Variants in ADAR observed in about 807,000 individuals in gnomAD.
ADAR encodes double-stranded RNA-specific adenosine deaminase.
In ADAR, 41 loss-of-function variants were observed where a neutral mutation model predicts 113.2. The ratio of observed to expected loss-of-function variants is 0.36; its 90% CI spans 0.28 to 0.47. The LOEUF (loss-of-function observed/expected upper bound fraction) is 0.47, where lower values mean the gene tolerates loss of function less well. Ranked by LOEUF, ADAR falls within the 20% of genes least tolerant of loss-of-function variation. The pLI, the probability that ADAR is intolerant of heterozygous loss-of-function variation, is 1.00. For synonymous variants in ADAR, 605 were observed against 572.6 expected, an observed-to-expected ratio of 1.06 and a Z score of -0.81; for missense variants, 1,242 against 1,540.9, an observed-to-expected ratio of 0.81 and a Z score of 3.25.
Position 154,583,346 on chromosome 1 carries a change from CA to C in ADAR, c.*1459del, listed in dbSNP as rs1267599587. 2 of 152,214 alleles carry C rather than the reference CA, an allele frequency of 1.3e-5. No individual in the cohort carries two copies. Among genetic ancestry groups the C allele is most frequent in the African/African-American group, 4.8e-5 (2 of 41,444 alleles). The allele number at this position is 152,214 out of a possible 1,614,324, so 9.4% of individuals were successfully genotyped here. A position where few individuals can be genotyped will look rare whatever the true frequency, so the allele number is the denominator to read the frequency against. On this transcript the variant is annotated 3_prime_UTR_variant, in exon 15 of 15. Transcript: ENST00000368474. ...ACTCTAAAAGCCAACAAAGTCCCTTCAACATGAGTAAAGGAAACAGTTTCAA... is the reference window on the plus strand; with the variant it reads ...ACTCTAAAAGCCAACAAAGTCCCTTCACATGAGTAAAGGAAACAGTTTCAA...
rs999172070 is a variant in ADAR, at chr1:154,585,039, G to A, written c.3448C>T (p.Arg1150Trp). 5 of 1,613,706 alleles carry A rather than the reference G, an allele frequency of 3.1e-6. No homozygotes were observed. The highest frequency in any genetic ancestry group is 1.1e-5 in the South Asian group (1 of 91,076). ...TTGGAGACCCGGGACAATTCATTCC[G>A]TGGCCTAGAGAAACAAAAGCACTCA... ...DGTRGTVDGPRNELSRVSKKN... is the reference protein window; with the variant it reads ...DGTRGTVDGPWNELSRVSKKN... Residue 1150 changes from arginine (R) to tryptophan (W), a missense_variant, in exon 15 of 15, where the codon CGG (arginine) becomes TGG (tryptophan). Arg to Trp is a moderately radical substitution (Grantham distance 101). Coordinates refer to ENST00000368474, the MANE Select transcript of ADAR (RefSeq NM_001111.5).
chr1:154,627,872 C>T (rs763362774), exon 1 of ADAR: 23 of 518,054 alleles, frequency 4.4e-5, no homozygotes, highest in Non-Finnish European at 6.9e-5. Flanking sequence ...TGCACTTCCT[C>T]GGGACACGGC....
intron 1 of ADAR, among the ~76,000 whole-genome samples, chr1:154,605,506 GT>G (rs1452136907): frequency 4.6e-5 from 7 of 150,594 alleles, no homozygotes; most frequent in Non-Finnish European, 1.0e-4. Flanking sequence ...TGTCCTATAA[GT>G]TATACTCAAC....
Position 154,584,695 on chromosome 1 carries a change from G to GAA in ADAR, c.*109_*110dup. The GAA allele has an allele frequency of 1.0e-6, 1 of 985,864 alleles. No homozygotes were observed. Among genetic ancestry groups the GAA allele is most frequent in the Non-Finnish European group, 1.5e-6 (1 of 647,990 alleles). The allele number at this position is 985,864 out of a possible 1,614,324, so 61.1% of individuals were successfully genotyped here. On this transcript the variant is annotated 3_prime_UTR_variant, in exon 15 of 15. Transcript: ENST00000368474. ...AGTATCACCAATTATGGCTTAAAAA[G>GAA]AAAAAAAAAGGAGAAAAAAAAATCC...
intron 6 of ADAR, among the ~76,000 whole-genome samples, chr1:154,595,160 T>A (rs991522391): frequency 6.6e-6 from 1 of 152,306 alleles, no homozygotes; most frequent in Non-Finnish European, 1.5e-5. Context: ...AGCAGCAGCA[T>A]GAGATTCTTG....
chr1:154,592,518 G>C (rs1697215182), intron 6 of ADAR, among the ~76,000 whole-genome samples: 1 of 152,220 alleles, frequency 6.6e-6, no homozygotes, highest in African/African-American at 2.4e-5. Flanking sequence ...TTGGATTAGA[G>C]TGCTGACGCT....
At chr1:154,591,576 C>T (rs994868232) in intron 6 of ADAR, among the ~76,000 whole-genome samples, 3 of 152,232 alleles carry the variant, frequency 2.0e-5, no homozygotes, top group East Asian at 1.9e-4. Flanking sequence ...AATTTCCAAA[C>T]ACAGAGGGAA....
chr1:154,608,311 T>A (rs1004107603), upstream of ADAR: 1 of 463,034 alleles, frequency 2.2e-6, no homozygotes, highest in South Asian at 3.3e-5. Flanking sequence ...CTCCGCTGCA[T>A]GAGAACTACG....
At chr1:154,594,456 T>TA (rs1697369629) in intron 6 of ADAR, among the ~76,000 whole-genome samples, 1 of 152,168 alleles carries the variant, frequency 6.6e-6, no homozygotes, top group African/African-American at 2.4e-5. Context: ...TGATAGACCT[T>TA]AGAGATTAAG....
chr1:154,584,759 TCACACCCTAGTATGA>T lies in ADAR; in HGVS notation c.*32_*46del. 1.3e-6 allele frequency: 2 copies of T among 1,503,692 alleles called. No homozygotes were observed. Among genetic ancestry groups the T allele is most frequent in the South Asian group, 1.1e-5 (1 of 88,796 alleles). The allele number at this position is 1,503,692 out of a possible 1,614,324, so 93.1% of individuals were successfully genotyped here. A position where few individuals can be genotyped will look rare whatever the true frequency, so the allele number is the denominator to read the frequency against. ...TGAGGAATGCTACGACCTACCTCTC[TCACACCCTAGTATGA>T]CACACCCTAATCCATCTGTCACTGG... On this transcript the variant is annotated 3_prime_UTR_variant, in exon 15 of 15. Coordinates refer to ENST00000368474, the MANE Select transcript of ADAR (RefSeq NM_001111.5).
intron 1 of ADAR, among the ~76,000 whole-genome samples, chr1:154,605,853 A>G (rs1025772790): frequency 6.6e-5 from 10 of 151,760 alleles, no homozygotes; most frequent in East Asian, 3.9e-4. Flanking sequence ...TGACCTTGGG[A>G]AAAAAAAATT....
chr1:154,610,808 C>CAAAAAAA (rs1369386387), upstream of ADAR, among the ~76,000 whole-genome samples: 2,237 of 40,444 alleles, frequency 0.055, 421 homozygotes, highest in Non-Finnish European at 0.1. Context: ...GACACCGTCT[C>CAAAAAAA]AAAAAAAAAA....
chr1:154,610,593 G>A (rs1414271390), upstream of ADAR, among the ~76,000 whole-genome samples: 2 of 151,998 alleles, frequency 1.3e-5, no homozygotes, highest in African/African-American at 2.4e-5. Context: ...GGCGGATCAC[G>A]AGGTCAGGGG....
Position 154,584,592 on chromosome 1 carries a change from G to A in ADAR, c.*214C>T. The A allele has an allele frequency of 5.2e-6, 3 of 571,872 alleles. No homozygotes were observed. Among genetic ancestry groups the A allele is most frequent in the Non-Finnish European group, 9.3e-6 (3 of 322,562 alleles). The allele number at this position is 571,872 out of a possible 1,614,324, so 35.4% of individuals were successfully genotyped here. A position where few individuals can be genotyped will look rare whatever the true frequency, so the allele number is the denominator to read the frequency against. On this transcript the variant is annotated 3_prime_UTR_variant, in exon 15 of 15. Transcript: ENST00000368474. ...TCTTAGGTTTCTGCCTCTTCACTTGGGGGAAAAAAGGGGGGCCTGGCCAGA... is the reference window on the plus strand; with the variant it reads ...TCTTAGGTTTCTGCCTCTTCACTTGAGGGAAAAAAGGGGGGCCTGGCCAGA...
At chr1:154,590,153 C>CTA in intron 7 of ADAR, 31 bp downstream of exon 7, 1 of 1,141,324 alleles carries the variant, frequency 8.8e-7, no homozygotes. Flanking sequence ...CCCCCCGCCC[C>CTA]AAAAAAGGCA....
In ADAR at chr1:154,602,212, A is replaced by C. The variant is rs1244181274; in HGVS notation, c.430T>G (p.Leu144Val). The C allele has an allele frequency of 1.2e-6, 2 of 1,614,186 alleles. No homozygotes were observed. Among genetic ancestry groups the C allele is most frequent in the Non-Finnish European group, 8.5e-7 (1 of 1,180,032 alleles). Residue 144 changes from leucine to valine, a missense_variant, in exon 2 of 15, where the codon TTA becomes GTA. Leu to Val is a conservative substitution (Grantham distance 32). Around this residue, in one of 2 missense-constraint regions of ADAR, gnomAD observed 462 missense variants for 483.1 expected, o/e 0.96. Transcript: ENST00000368474. Reference protein sequence around the residue: ...SIYQDQEQRILKFLEELGEGK... With the variant: ...SIYQDQEQRIVKFLEELGEGK... The stretch of plus-strand genomic sequence containing the variant: ...TCCCCAAGCTCTTCCAGGAACTTTA[A>C]GATCCTTTGTTCCTGATCTTGGTAG...
chr1:154,607,138 C>A (rs983053535), intron 1 of ADAR, among the ~76,000 whole-genome samples: 1 of 152,062 alleles, frequency 6.6e-6, no homozygotes, highest in African/African-American at 2.4e-5. Flanking sequence ...TCCCTGGCAC[C>A]CACGGATCCA....
chr1:154,597,177 T>C lies in ADAR; in HGVS notation c.2025A>G (p.Glu675=), dbSNP rs550340639. 1 of 1,614,192 alleles carries C rather than the reference T, an allele frequency of 6.2e-7. No homozygotes were observed. The highest frequency in any genetic ancestry group is 1.1e-5 in the South Asian group (1 of 91,090). The change falls in exon 5 of 15, where the codon GAA becomes GAG. Residue 675 remains glutamate, a synonymous_variant. Transcript: ENST00000368474. The part of the protein sequence containing the change: ...KKVAKQMAAE[E]AMKALHGEAT... Reference sequence around the variant, plus strand: ...CCTCCCCATGCAGGGCCTTCATGGCTTCCTCTGCGGCCATCTGCTTTGCCA... The same window carrying C: ...CCTCCCCATGCAGGGCCTTCATGGCCTCCTCTGCGGCCATCTGCTTTGCCA...
rs751532191 is a variant in ADAR, at chr1:154,601,999, C to G, written c.643G>C (p.Gly215Arg). The change falls in exon 2 of 15, where the codon GGT becomes CGT. Residue 215 changes from glycine (G) to arginine (R), a missense_variant. Around this residue, in one of 2 missense-constraint regions of ADAR, gnomAD observed 462 missense variants for 483.1 expected, o/e 0.96. Transcript: ENST00000368474. This position sits in a 1 kb window ranked among gnomAD's most constrained non-coding sequence, Gnocchi z 4.7. ...NQHSGVVRPD[G>R]HSQGAPNSDP... ...GAGTTTGGGGCTCCTTGGCTATGAC[C>G]GTCTGGTCTTACCACTCCGCTGTGC... 6 of 1,612,290 alleles carry G rather than the reference C, an allele frequency of 3.7e-6. No individual in the cohort carries two copies. Among genetic ancestry groups the G allele is most frequent in the South Asian group, 2.2e-5 (2 of 90,962 alleles).
Sources: allele counts gnomAD v4.1 joint callset (sites outside exome capture counted in the v4.1 genomes callset), GRCh38; gene constraint gnomAD v4.1.1; regional missense constraint gnomAD v4.1.1; non-coding constraint Gnocchi (gnomAD v3.1); transcripts MANE v1.5; gene names NCBI Gene and HGNC (gene_info 2026-07-23, HGNC 2026-07-21).